EXOC4: variants seen among roughly 807,000 people sequenced by gnomAD.
The protein encoded by EXOC4 is exocyst complex component 4, also known as SEC8-like 1.
A neutral mutation model predicts 107.2 loss-of-function variants in EXOC4; 71 were observed. The ratio of observed to expected loss-of-function variants is 0.66; its 90% CI spans 0.55 to 0.81. The LOEUF (loss-of-function observed/expected upper bound fraction) is 0.81. EXOC4 is among the 30% of genes least tolerant of loss of function. The probability of loss-of-function intolerance (pLI) is 0.00; values close to 1 mark genes in which losing one functional copy is unlikely to be tolerated. For missense variants in EXOC4, 1,108 were observed against 1,189.6 expected, an observed-to-expected ratio of 0.93 and a Z score of 1.01; for synonymous variants, 456 against 441.2, an observed-to-expected ratio of 1.03 and a Z score of -0.42.
chr7:133,445,714 G>T (rs1222400241), intron 7 of EXOC4, among the ~76,000 whole-genome samples: 1 of 152,004 alleles, frequency 6.6e-6, no homozygotes, highest in East Asian at 1.9e-4. Flanking sequence ...ATTCCACATT[G>T]CCTTACCAGG....
intron 12 of EXOC4, among the ~76,000 whole-genome samples, chr7:133,897,687 T>C (rs1391970094): frequency 6.6e-6 from 1 of 152,030 alleles, no homozygotes; most frequent in Non-Finnish European, 1.5e-5. Context: ...CCCTATGGCA[T>C]TGAGATTCTA....
chr7:133,588,367 C>T (rs554924769), intron 9 of EXOC4, among the ~76,000 whole-genome samples: 1 of 152,244 alleles, frequency 6.6e-6, no homozygotes, highest in South Asian at 2.1e-4. Context: ...AAATGATATC[C>T]TAAATACAAA....
At chr7:133,744,094 T>C (rs369216231) in intron 10 of EXOC4, among the ~76,000 whole-genome samples, 4 of 151,998 alleles carry the variant, frequency 2.6e-5, no homozygotes, top group African/African-American at 9.7e-5. Context: ...ATTGCTGATA[T>C]ATAGCTGTTA....
intron 10 of EXOC4, among the ~76,000 whole-genome samples, chr7:133,679,130 A>G (rs1342882289): frequency 6.6e-6 from 1 of 152,180 alleles, no homozygotes; most frequent in Non-Finnish European, 1.5e-5. Flanking sequence ...GCTCCCAACC[A>G]TAGAAAAGCA....
chr7:134,042,915 T>C (rs1462593167), intron 17 of EXOC4, among the ~76,000 whole-genome samples: 2 of 152,178 alleles, frequency 1.3e-5, no homozygotes, highest in South Asian at 2.1e-4. Flanking sequence ...CGCATGCCTG[T>C]AATCTCAGCT....
chr7:133,383,495 T>G (rs1340666839), intron 7 of EXOC4, among the ~76,000 whole-genome samples: 1 of 152,204 alleles, frequency 6.6e-6, no homozygotes, highest in Non-Finnish European at 1.5e-5. Flanking sequence ...TAAAATCGTT[T>G]TACTTTTGTT....
At chr7:134,028,135 TAA>T (rs1795185758) in intron 17 of EXOC4, among the ~76,000 whole-genome samples, 1 of 152,206 alleles carries the variant, frequency 6.6e-6, no homozygotes, top group East Asian at 1.9e-4. Flanking sequence ...GATACAATCC[TAA>T]GAGTATCATG....
chr7:133,924,928 T>C (rs1372186012), intron 13 of EXOC4, among the ~76,000 whole-genome samples: 2 of 152,264 alleles, frequency 1.3e-5, no homozygotes, highest in Non-Finnish European at 2.9e-5. Flanking sequence ...ATTTGGTATA[T>C]GATTGACTCT....
At chr7:133,666,494 C>CT (rs1263720603) in intron 10 of EXOC4, among the ~76,000 whole-genome samples, 1 of 151,966 alleles carries the variant, frequency 6.6e-6, no homozygotes, top group African/African-American at 2.4e-5. Flanking sequence ...GAGATGCTGT[C>CT]TTTTTTTCCC....
intron 11 of EXOC4, among the ~76,000 whole-genome samples, chr7:133,860,596 T>C (rs913451245): frequency 2.0e-5 from 3 of 152,214 alleles, no homozygotes; most frequent in Non-Finnish European, 4.4e-5. Flanking sequence ...TTTTATTTAT[T>C]TTAGAGAAAT....
chr7:133,878,670 T>C (rs1188840543), intron 11 of EXOC4, among the ~76,000 whole-genome samples: 1 of 152,162 alleles, frequency 6.6e-6, no homozygotes, highest in African/African-American at 2.4e-5. Context: ...ATTGACCCTA[T>C]GTGGATGTTC....
chr7:133,660,845 G>A (rs1803422978), intron 10 of EXOC4, among the ~76,000 whole-genome samples: 1 of 152,132 alleles, frequency 6.6e-6, no homozygotes, highest in South Asian at 2.1e-4. Flanking sequence ...CACACTGCCT[G>A]GAGGGAGAGA....
intron 10 of EXOC4, among the ~76,000 whole-genome samples, chr7:133,649,288 A>G (rs370168465): frequency 2.0e-5 from 3 of 152,006 alleles, no homozygotes; most frequent in Admixed American, 6.6e-5. Flanking sequence ...TTACTTTTCC[A>G]GCACCACTTT....
At chr7:134,048,197 G>T (rs1795699641) in intron 17 of EXOC4, among the ~76,000 whole-genome samples, 1 of 152,178 alleles carries the variant, frequency 6.6e-6, no homozygotes, top group African/African-American at 2.4e-5. Context: ...CTGATCTTAG[G>T]TTTAACAATA....
the EXOC4 span, among the ~76,000 whole-genome samples, chr7:134,079,404 A>ATT: frequency 1.9e-4 from 29 of 151,296 alleles, no homozygotes; most frequent in South Asian, 4.2e-4. Flanking sequence ...AGGTTTACTT[A>ATT]TTTTTTTTTA....
At chr7:133,880,101 A>G (rs2116442210) in intron 11 of EXOC4, among the ~76,000 whole-genome samples, 1 of 152,118 alleles carries the variant, frequency 6.6e-6, no homozygotes, top group South Asian at 2.1e-4. Context: ...TAAGTATCCA[A>G]ACCTCCCCGT....
intron 10 of EXOC4, among the ~76,000 whole-genome samples, chr7:133,729,983 A>G (rs1795292562): frequency 6.6e-6 from 1 of 151,810 alleles, no homozygotes; most frequent in Non-Finnish European, 1.5e-5. Context: ...TAGAAATTAA[A>G]TGTTATAGCA....
intron 10 of EXOC4, among the ~76,000 whole-genome samples, chr7:133,675,175 G>C (rs1281352629): frequency 6.6e-6 from 1 of 152,076 alleles, no homozygotes; most frequent in African/African-American, 2.4e-5. Context: ...GGGATGGTAG[G>C]GGGCAGGGGA....
chr7:133,452,883 G>A (rs748291256), intron 7 of EXOC4, among the ~76,000 whole-genome samples: 12 of 152,066 alleles, frequency 7.9e-5, no homozygotes, highest in Non-Finnish European at 1.5e-4. Context: ...GAATTCGATA[G>A]TCCATTTTGT....
Sources: allele counts gnomAD v4.1 joint callset (sites outside exome capture counted in the v4.1 genomes callset), GRCh38; gene constraint gnomAD v4.1.1; transcripts MANE v1.5; gene names NCBI Gene and HGNC (gene_info 2026-07-23, HGNC 2026-07-21).